Variants in MAD1L1 observed in about 807,000 individuals in gnomAD.
The protein encoded by MAD1L1 is mitotic spindle assembly checkpoint protein MAD1.
In MAD1L1, 95 loss-of-function variants were observed where a neutral mutation model predicts 96.9. That is an observed-to-expected ratio of 0.98 (90% confidence interval 0.83 to 1.16). The LOEUF is 1.16. Ranked by LOEUF, MAD1L1 falls within the 50% of genes most tolerant of loss-of-function variation. The pLI is 0.00. For synonymous variants in MAD1L1, 473 were observed against 396.6 expected (o/e 1.19, Z -2.29); for missense variants, 1,007 against 954.4 (o/e 1.06, Z -0.73).
At chr7:2,136,172 C>T (rs1486860200) in intron 11 of MAD1L1, among the ~76,000 whole-genome samples, 2 of 152,172 alleles carry the variant, frequency 1.3e-5, no homozygotes, top group African/African-American at 4.8e-5. Context: ...CTGTGTTTCT[C>T]GGCCACAGTA....
chr7:1,928,655 C>A (rs2128459649), intron 17 of MAD1L1, among the ~76,000 whole-genome samples: 1 of 152,358 alleles, frequency 6.6e-6, no homozygotes, highest in South Asian at 2.1e-4. Flanking sequence ...CACCCCCATC[C>A]CATTTGAACC....
At chr7:1,923,155 T>A (rs1788894731) in intron 17 of MAD1L1, among the ~76,000 whole-genome samples, 1 of 152,210 alleles carries the variant, frequency 6.6e-6, no homozygotes, top group African/African-American at 2.4e-5. Context: ...TATCCTTTTT[T>A]GGAAGCTTTT....
At chr7:2,101,001 G>A (rs1042037210) in intron 11 of MAD1L1, among the ~76,000 whole-genome samples, 2 of 152,234 alleles carry the variant, frequency 1.3e-5, no homozygotes, top group African/African-American at 2.4e-5. Context: ...ATTTGCACGT[G>A]TCAGGGGAAG....
chr7:1,845,427 GGTTC>G (rs1286462588), intron 18 of MAD1L1: 8 of 70,538 alleles, frequency 1.1e-4, no homozygotes, highest in South Asian at 4.7e-4. Context: ...GTCGGACTCT[GGTTC>G]ACGGGGAAGA....
At chr7:1,976,326 G>A (rs994571423) in intron 15 of MAD1L1, among the ~76,000 whole-genome samples, 10 of 152,162 alleles carry the variant, frequency 6.6e-5, no homozygotes, top group African/African-American at 2.4e-4. Context: ...TCCGATGTTC[G>A]GACATGTTCG....
intron 18 of MAD1L1, among the ~76,000 whole-genome samples, chr7:1,891,897 A>G (rs756312088): frequency 1.6e-4 from 25 of 152,152 alleles, no homozygotes; most frequent in Non-Finnish European, 2.9e-4. Context: ...TTATTATTGA[A>G]GAAAAGAACA....
intron 10 of MAD1L1, among the ~76,000 whole-genome samples, chr7:2,212,055 C>T (rs1792973968): frequency 6.6e-6 from 1 of 152,188 alleles, no homozygotes; most frequent in Non-Finnish European, 1.5e-5. Flanking sequence ...CACAGGGCAA[C>T]CAGGAAGAGG....
At chr7:1,909,558 C>T (rs1299019523) in intron 17 of MAD1L1, among the ~76,000 whole-genome samples, 6 of 152,116 alleles carry the variant, frequency 3.9e-5, no homozygotes, top group South Asian at 2.1e-4. Context: ...GTAGGCTGGC[C>T]GGGACCCCCC....
chr7:2,221,080 G>A lies in MAD1L1; in HGVS notation c.471+1495C>T, dbSNP rs1639917. 1.2e-5 allele frequency: 19 copies of A among 1,565,588 alleles called. No homozygotes were observed. In the African/African-American group the frequency reaches 1.2e-4, roughly 10 times the overall value. On this transcript the variant is annotated intron_variant, in intron 5 of 18. Transcript: ENST00000265854. ...CGCAGGGAGGGCTTCCCTGAGGAGCGGCCACCTCGGCTTAGACATGACAGG... is the reference window on the plus strand; with the variant it reads ...CGCAGGGAGGGCTTCCCTGAGGAGCAGCCACCTCGGCTTAGACATGACAGG...
At chr7:1,864,424 T>C (rs1784680253) in intron 18 of MAD1L1, among the ~76,000 whole-genome samples, 2 of 152,182 alleles carry the variant, frequency 1.3e-5, no homozygotes, top group African/African-American at 2.4e-5. Flanking sequence ...TCCTTTTGAC[T>C]GGGGCTCAGG....
At chr7:2,100,470 C>T (rs55651222) in intron 11 of MAD1L1, among the ~76,000 whole-genome samples, 4,125 of 152,354 alleles carry the variant, frequency 0.027, 98 homozygotes, top group South Asian at 0.09. Flanking sequence ...GGTACTGCCG[C>T]TTTGCTTCTG....
chr7:2,037,593 G>A (rs1019612819), intron 12 of MAD1L1, among the ~76,000 whole-genome samples: 7 of 152,132 alleles, frequency 4.6e-5, no homozygotes, highest in South Asian at 2.1e-4. Flanking sequence ...GGGGCGCCAC[G>A]TCCTGACTGT....
intron 15 of MAD1L1, among the ~76,000 whole-genome samples, chr7:1,973,259 C>G (rs905002787): frequency 4.2e-4 from 64 of 152,060 alleles, no homozygotes; most frequent in African/African-American, 1.5e-3. Context: ...TCATCCCAGA[C>G]ACTTCTGCGT....
At chr7:1,863,700 T>C (rs554390093) in intron 18 of MAD1L1, among the ~76,000 whole-genome samples, 1 of 152,278 alleles carries the variant, frequency 6.6e-6, no homozygotes, top group East Asian at 1.9e-4. Flanking sequence ...TCCCTGGAGC[T>C]CCTGGGTGGA....
At chr7:2,009,714 T>G (rs1253447711) in intron 13 of MAD1L1, among the ~76,000 whole-genome samples, 1 of 152,076 alleles carries the variant, frequency 6.6e-6, no homozygotes, top group Non-Finnish European at 1.5e-5. Flanking sequence ...CAAGGAAGGC[T>G]AGGGGGTGGA....
intron 3 of MAD1L1, among the ~76,000 whole-genome samples, chr7:2,228,219 G>A (rs1230764907): frequency 6.6e-6 from 1 of 151,936 alleles, no homozygotes; most frequent in Admixed American, 6.6e-5. Context: ...GAATCCCACA[G>A]CTTTGACAGA....
intron 10 of MAD1L1, among the ~76,000 whole-genome samples, chr7:2,156,289 C>T (rs996714234): frequency 6.6e-6 from 1 of 152,132 alleles, no homozygotes; most frequent in African/African-American, 2.4e-5. Context: ...CATGGTTTCA[C>T]GGCGCGTGTG....
intron 14 of MAD1L1, among the ~76,000 whole-genome samples, chr7:1,983,810 T>C (rs1781032787): frequency 6.6e-6 from 1 of 152,182 alleles, no homozygotes; most frequent in South Asian, 2.1e-4. Flanking sequence ...TGGATGGTGA[T>C]ACTTTCTATC....
chr7:2,021,561 T>C (rs138369707), intron 12 of MAD1L1, among the ~76,000 whole-genome samples: 6 of 152,282 alleles, frequency 3.9e-5, no homozygotes, highest in East Asian at 3.9e-4. Flanking sequence ...TCAGAGGAGT[T>C]TGAGACCATC....
Sources: allele counts gnomAD v4.1 joint callset (sites outside exome capture counted in the v4.1 genomes callset), GRCh38; gene constraint gnomAD v4.1.1; transcripts MANE v1.5; gene names NCBI Gene and HGNC (gene_info 2026-07-23, HGNC 2026-07-21).